SLC6A20: variants seen among roughly 807,000 people sequenced by gnomAD.
The protein encoded by SLC6A20 is solute carrier family 6 member 20, also known as sodium- and chloride-dependent transporter XTRP3.
Under a neutral mutation model 64.3 loss-of-function variants are expected in SLC6A20, and 73 were observed. That is an observed-to-expected ratio of 1.14 (90% CI 0.94 to 1.38). The LOEUF is 1.38. Ranked by LOEUF, SLC6A20 falls within the 40% of genes most tolerant of loss-of-function variation. The pLI is 0.00. For missense variants in SLC6A20, 725 were observed against 772.8 expected, an observed-to-expected ratio of 0.94 and a Z score of 0.73; for synonymous variants, 347 against 329.6, an observed-to-expected ratio of 1.05 and a Z score of -0.57.
intron 4 of SLC6A20, among the ~76,000 whole-genome samples, chr3:45,773,673 C>T (rs1348886225): frequency 6.8e-6 from 1 of 146,036 alleles, no homozygotes. Flanking sequence ...GGCCTATGTT[C>T]AGGTGGGCTT....
At chr3:45,772,646 C>T in intron 4 of SLC6A20, 31 bp from the exon 5 acceptor site, 3 of 1,575,980 alleles carry the variant, frequency 1.9e-6, no homozygotes, top group Non-Finnish European at 2.6e-6. Context: ...AGTTGGCCTC[C>T]CGGAGCAGTG....
At chr3:45,781,961 A>G (rs1329401511) in intron 2 of SLC6A20, 122 bp downstream of exon 2, 1 of 1,306,596 alleles carries the variant, frequency 7.7e-7, no homozygotes, top group African/African-American at 1.5e-5. Context: ...ACCCCAGGCA[A>G]GAGCTCTCTC....
chr3:45,759,100 C>G lies in SLC6A20; in HGVS notation c.1657G>C (p.Ala553Pro). Residue 553 changes from alanine (A) to proline (P), a missense_variant, in exon 11 of 11, where the codon GCC (alanine) becomes CCC (proline). Physicochemically the swap from Ala to Pro is conservative, Grantham distance 27. Coordinates refer to ENST00000358525, the MANE Select transcript of SLC6A20 (RefSeq NM_020208.4). ...QGQLVTKDYP[A>P]YALAVIGLLV... ...AGCCCGATGACAGCCAGTGCATAGG[C>G]CGGGTAATCTTTGGTCACGAGCTGG... 6.2e-7 allele frequency: 1 copy of G among 1,611,536 alleles called. No individual in the cohort carries two copies. Among genetic ancestry groups the G allele is most frequent in the Admixed American group, 1.7e-5 (1 of 59,850 alleles).
chr3:45,772,361 C>T, intron 5 of SLC6A20, 144 bp downstream of exon 5: 2 of 646,972 alleles, frequency 3.1e-6, no homozygotes, highest in South Asian at 4.5e-5. Context: ...GTACTCCACA[C>T]TCCTGCCACA....
chr3:45,758,765 T>C lies in SLC6A20; in HGVS notation c.*213A>G. On this transcript the variant is annotated 3_prime_UTR_variant, in exon 11 of 11. Coordinates refer to ENST00000358525, the MANE Select transcript of SLC6A20 (RefSeq NM_020208.4). ...TTTCATAGCCCACCCCCTTCCATGA[T>C]GAGGAGGCAGGTGACAGGGAGGAAC... 3 of 1,327,894 alleles carry C rather than the reference T, an allele frequency of 2.3e-6. No homozygotes were observed. Among genetic ancestry groups the C allele is most frequent in the Non-Finnish European group, 1.9e-6 (2 of 1,040,120 alleles). The allele number at this position is 1,327,894 out of a possible 1,614,324, so 82.3% of individuals were successfully genotyped here.
chr3:45,762,799 C>T (rs1277056627), intron 9 of SLC6A20, 114 bp downstream of exon 9: 15 of 1,391,234 alleles, frequency 1.1e-5, no homozygotes, highest in East Asian at 2.3e-5. Flanking sequence ...AGTCATGATG[C>T]GAAGCTTAAA....
chr3:45,787,014 G>A (rs12491927), intron 1 of SLC6A20, among the ~76,000 whole-genome samples: 21 of 152,252 alleles, frequency 1.4e-4, no homozygotes, highest in African/African-American at 5.1e-4. Context: ...CTCCAGGCAG[G>A]TCTTTGTGAT....
chr3:45,765,409 G>A lies in SLC6A20; in HGVS notation c.1303+128C>T. ...TTGTGAGAAGACATGGCAGGACCGT[G>A]GTGAGGTGGCTGCAACCCCCTGTAG... On this transcript the variant is annotated intron_variant, in intron 8 of 10. Transcript: ENST00000358525. The surrounding 1 kb of genome is among the most constrained non-coding windows in gnomAD (Gnocchi z 4.2). The A allele has an allele frequency of 1.1e-6, 1 of 938,116 alleles. No individual in the cohort carries two copies. Among genetic ancestry groups the A allele is most frequent in the Non-Finnish European group, 1.6e-6 (1 of 622,362 alleles). The allele number at this position is 938,116 out of a possible 1,614,324, so 58.1% of individuals were successfully genotyped here. A position where few individuals can be genotyped will look rare whatever the true frequency, so the allele number is the denominator to read the frequency against.
chr3:45,794,078 A>C (rs7615978), intron 1 of SLC6A20, among the ~76,000 whole-genome samples: 12,496 of 152,280 alleles, frequency 0.082, 516 homozygotes, highest in African/African-American at 0.091. Context: ...CCAAGTGCTT[A>C]TGTGGCCTGT....
chr3:45,771,294 G>A lies in SLC6A20; in HGVS notation c.858C>T (p.Thr286=), dbSNP rs34458611. The change falls in exon 6 of 11, where the codon ACC becomes ACT. Residue 286 remains threonine, a synonymous_variant. Transcript: ENST00000358525. ...AIIVSLINSF[T]SIFASIVTFS... is the part of the protein sequence containing the mutation. Reference sequence around the variant, plus strand: ...AGGTGACAATGCTGGCAAATATGGAGGTGAAGCTGTTGATGAGGGACACGA... The same window carrying A: ...AGGTGACAATGCTGGCAAATATGGAAGTGAAGCTGTTGATGAGGGACACGA... The A allele has an allele frequency of 5.5e-3, 8,915 of 1,614,216 alleles. 351 individuals carry two copies. The African/African-American group carries it at 0.093, about 17-fold the overall frequency.
intron 7 of SLC6A20, among the ~76,000 whole-genome samples, chr3:45,767,001 T>C (rs1401809601): frequency 6.6e-6 from 1 of 152,200 alleles, no homozygotes; most frequent in South Asian, 2.1e-4. Flanking sequence ...AAAATAAATT[T>C]ACGTTGTTTA....
intron 3 of SLC6A20, among the ~76,000 whole-genome samples, chr3:45,778,644 A>G (rs1036228986): frequency 1.3e-5 from 2 of 152,232 alleles, no homozygotes; most frequent in African/African-American, 4.8e-5. Flanking sequence ...ACTTGTCTTA[A>G]TAAGTATACA....
At chr3:45,779,817 C>T (rs1349547274) in intron 3 of SLC6A20, among the ~76,000 whole-genome samples, 192 bp downstream of exon 3, 8 of 152,228 alleles carry the variant, frequency 5.3e-5, no homozygotes, top group Non-Finnish European at 7.3e-5. Context: ...GTAAGGGGCC[C>T]GTGGAGCCCG....
At chr3:45,786,011 G>A (rs1176426654) in intron 1 of SLC6A20, among the ~76,000 whole-genome samples, 1 of 152,216 alleles carries the variant, frequency 6.6e-6, no homozygotes, top group African/African-American at 2.4e-5. Flanking sequence ...ACTACCAGGT[G>A]TGTGAGGGAC....
intron 1 of SLC6A20, among the ~76,000 whole-genome samples, chr3:45,786,293 C>A (rs1166215193): frequency 6.6e-6 from 1 of 152,208 alleles, no homozygotes; most frequent in Admixed American, 6.5e-5. Flanking sequence ...CACTGATGTC[C>A]TCTAGGCATC....
chr3:45,780,903 A>G (rs1254990061), intron 2 of SLC6A20, among the ~76,000 whole-genome samples: 1 of 152,106 alleles, frequency 6.6e-6, no homozygotes, highest in Admixed American at 6.6e-5. Context: ...TTAAATATTC[A>G]CCAGCATCCC....
intron 9 of SLC6A20, among the ~76,000 whole-genome samples, chr3:45,762,589 G>A (rs1291717516): frequency 6.6e-6 from 1 of 152,244 alleles, no homozygotes; most frequent in Non-Finnish European, 1.5e-5. Flanking sequence ...GATGTTGGCC[G>A]ATGATCAGAG....
chr3:45,782,203 T>C lies in SLC6A20; in HGVS notation c.142A>G (p.Ile48Val). 5 of 1,613,436 alleles carry C rather than the reference T, an allele frequency of 3.1e-6. No homozygotes were observed. Among genetic ancestry groups the C allele is most frequent in the African/African-American group, 1.3e-5 (1 of 75,006 alleles). ...ATTCCCTCCACGATAAGCATGATGA[T>C]GTAGGGGACCAGGAAACTACCTGTG... is the stretch of plus-strand genomic sequence containing the variant. ...YGGGSFLVPY[I>V]IMLIVEGMPL... The change falls in exon 2 of 11, where the codon ATC (isoleucine) becomes GTC (valine). Residue 48 changes from isoleucine to valine, a missense_variant. Ile to Val is a conservative substitution (Grantham distance 29). Coordinates refer to ENST00000358525, the MANE Select transcript of SLC6A20 (RefSeq NM_020208.4).
Position 45,758,860 on chromosome 3 carries a change from G to C in SLC6A20, c.*118C>G. 1 of 1,403,964 alleles carries C rather than the reference G, an allele frequency of 7.1e-7. No individual in the cohort carries two copies. The highest frequency in any genetic ancestry group is 9.3e-7 in the Non-Finnish European group (1 of 1,075,612). 87.0% of individuals were successfully genotyped at this position (1,403,964 alleles called of 1,614,324 possible). Reference sequence around the variant, plus strand: ...CTGCACACCTTCCTCATCTTCTTTAGACACTCAGGAAGTTGATGGGCTGAG... The same window carrying C: ...CTGCACACCTTCCTCATCTTCTTTACACACTCAGGAAGTTGATGGGCTGAG... On this transcript the variant is annotated 3_prime_UTR_variant, in exon 11 of 11. Coordinates refer to ENST00000358525, the MANE Select transcript of SLC6A20 (RefSeq NM_020208.4).
Sources: gnomAD v4.1 joint callset for allele counts (sites outside exome capture counted in the v4.1 genomes callset) on GRCh38, gnomAD v4.1.1 for gene constraint, Gnocchi (gnomAD v3.1) non-coding constraint, MANE v1.5 for transcripts, NCBI Gene and HGNC (gene_info 2026-07-23, HGNC 2026-07-21) for gene names.